The following HIRA variants were observed in gnomAD, a reference collection of about 807,000 sequenced individuals.
HIRA encodes histone cell cycle regulator.
Under a neutral mutation model 126.6 loss-of-function variants are expected in HIRA, and 13 were observed. The ratio of observed to expected loss-of-function variants is 0.10; its 90% confidence interval spans 0.07 to 0.16. The LOEUF (loss-of-function observed/expected upper bound fraction) is 0.16. Ranked by LOEUF, HIRA falls within the 10% of genes least tolerant of loss-of-function variation. The pLI is 1.00. For synonymous variants in HIRA, 511 were observed against 520.0 expected (o/e 0.98, Z 0.24); for missense variants, 834 against 1,314.4 (o/e 0.63, Z 5.65).
intron 12 of HIRA, among the ~76,000 whole-genome samples, chr22:19,383,979 A>G (rs914698174): frequency 6.6e-6 from 1 of 152,056 alleles, no homozygotes; most frequent in Non-Finnish European, 1.5e-5. Context: ...TCACCATTCT[A>G]TTCTCTGTCT....
intron 5 of HIRA, 185 bp downstream of exon 5, chr22:19,405,601 G>T: frequency 1.3e-6 from 1 of 741,892 alleles, no homozygotes; most frequent in Non-Finnish European, 1.6e-6. Flanking sequence ...CTGGAGACAG[G>T]TAGTGGACCC....
At chr22:19,343,342 A>T (rs2088652030) in intron 24 of HIRA, among the ~76,000 whole-genome samples, 1 of 152,076 alleles carries the variant, frequency 6.6e-6, no homozygotes. Context: ...GCTTGAGCTC[A>T]GGAGTTTGGG....
chr22:19,394,591 T>A lies in HIRA; in HGVS notation c.655-82A>T, dbSNP rs549032978. 259 of 1,390,192 alleles carry A rather than the reference T, an allele frequency of 1.9e-4. 2 individuals are homozygous for A. The African/African-American group carries it at 3.2e-3, about 17-fold the overall frequency. The allele number at this position is 1,390,192 out of a possible 1,614,324, so 86.1% of individuals were successfully genotyped here. A position where few individuals can be genotyped will look rare whatever the true frequency, so the allele number is the denominator to read the frequency against. ...CTGGCCTCGAGGATAAAGTTAAACT[T>A]CAATTTATAAATGTGTGATGGTGGA... On this transcript the variant is annotated intron_variant, in intron 7 of 24. Coordinates refer to ENST00000263208, the MANE Select transcript of HIRA (RefSeq NM_003325.4).
intron 15 of HIRA, among the ~76,000 whole-genome samples, chr22:19,364,029 C>A (rs1311207875): frequency 6.6e-6 from 1 of 152,070 alleles, no homozygotes; most frequent in African/African-American, 2.4e-5. Context: ...TGACGGTGTG[C>A]CCCACTCTGG....
At chr22:19,348,524 C>A in intron 24 of HIRA, among the ~76,000 whole-genome samples, 1 of 151,084 alleles carries the variant, frequency 6.6e-6, no homozygotes, top group Non-Finnish European at 1.5e-5. Flanking sequence ...GAGACAGAGT[C>A]TCACCCTGTC....
intron 1 of HIRA, among the ~76,000 whole-genome samples, chr22:19,414,887 G>A (rs1285793392): frequency 1.3e-5 from 2 of 151,662 alleles, no homozygotes; most frequent in African/African-American, 4.9e-5. Context: ...ACTGTCTCAA[G>A]AAACAAAACA....
chr22:19,367,907 T>G (rs2088928543), intron 15 of HIRA, among the ~76,000 whole-genome samples: 1 of 152,170 alleles, frequency 6.6e-6, no homozygotes, highest in South Asian at 2.1e-4. Flanking sequence ...CTTATAAACA[T>G]TAAAGAGAGG....
chr22:19,385,641 C>T lies in HIRA; in HGVS notation c.1209G>A (p.Lys403=). 6.2e-7 allele frequency: 1 copy of T among 1,614,214 alleles called. No individual in the cohort carries two copies. Among genetic ancestry groups the T allele is most frequent in the Non-Finnish European group, 8.5e-7 (1 of 1,180,050 alleles). The change falls in exon 12 of 25, where the codon AAG becomes AAA. Residue 403 remains lysine (K), a synonymous_variant. Coordinates refer to ENST00000263208, the MANE Select transcript of HIRA (RefSeq NM_003325.4). ...TAVIENPEML[K]YQRRQQQQQL... ...GCTGCTGCTGCTGCCTTCGCTGGTA[C>T]TTGAGCATCTCAGGGTTCTCAATGA...
At chr22:19,361,143 T>G in intron 17 of HIRA, 94 bp downstream of exon 17, 1 of 983,824 alleles carries the variant, frequency 1.0e-6, no homozygotes. Context: ...GAAACCAATC[T>G]CCAAGGAAGT....
chr22:19,403,833 C>A (rs1307254834), intron 5 of HIRA, among the ~76,000 whole-genome samples: 1 of 152,142 alleles, frequency 6.6e-6, no homozygotes, highest in Non-Finnish European at 1.5e-5. Context: ...AAGCTCAAAA[C>A]AATGCACCTA....
intron 1 of HIRA, among the ~76,000 whole-genome samples, chr22:19,421,550 A>G (rs1195177248): frequency 6.6e-6 from 1 of 152,204 alleles, no homozygotes; most frequent in Non-Finnish European, 1.5e-5. Flanking sequence ...AAGTTTTAAC[A>G]ATGTGTTTTC....
chr22:19,344,658 C>A (rs1372749622), intron 24 of HIRA, among the ~76,000 whole-genome samples: 1 of 152,100 alleles, frequency 6.6e-6, no homozygotes, highest in Non-Finnish European at 1.5e-5. Flanking sequence ...ATTACCCTGA[C>A]AAAGCTAGAC....
At chr22:19,394,217 C>G in intron 8 of HIRA, 125 bp downstream of exon 8, 1 of 1,176,734 alleles carries the variant, frequency 8.5e-7, no homozygotes, top group Non-Finnish European at 1.2e-6. Flanking sequence ...ATAAATCAAC[C>G]AAGTACATAC....
chr22:19,378,372 G>A (rs1020585500), intron 13 of HIRA, among the ~76,000 whole-genome samples: 34 of 152,364 alleles, frequency 2.2e-4, no homozygotes, highest in Non-Finnish European at 5.0e-4. Context: ...ACATGTCTTA[G>A]GAGGAATGAA....
In HIRA at chr22:19,394,526, C is replaced by A. The variant is rs750871390; in HGVS notation, c.655-17G>T. On this transcript the variant is annotated splice_polypyrimidine_tract_variant and intron_variant, in intron 7 of 24. Coordinates refer to ENST00000263208, the MANE Select transcript of HIRA (RefSeq NM_003325.4). ...TCCTCCACACTGAAAGAAGCATCTG[C>A]ACTTGAAAGGAGCTCAAGGCCACCT... 4 of 1,611,708 alleles carry A rather than the reference C, an allele frequency of 2.5e-6. No homozygotes were observed. Among genetic ancestry groups the A allele is most frequent in the South Asian group, 2.2e-5 (2 of 91,016 alleles).
intron 1 of HIRA, among the ~76,000 whole-genome samples, chr22:19,421,047 C>T (rs1360214621): frequency 6.6e-6 from 1 of 152,160 alleles, no homozygotes; most frequent in Non-Finnish European, 1.5e-5. Flanking sequence ...CCTGTAATCC[C>T]AGCACTTTGG....
At chr22:19,371,579 C>T (rs540490950) in intron 15 of HIRA, among the ~76,000 whole-genome samples, 17 of 152,074 alleles carry the variant, frequency 1.1e-4, no homozygotes, top group Non-Finnish European at 1.9e-4. Flanking sequence ...AATGCCAGAA[C>T]ATTTTCATAA....
chr22:19,367,492 A>T (rs955174297), intron 15 of HIRA, among the ~76,000 whole-genome samples: 2 of 151,542 alleles, frequency 1.3e-5, no homozygotes, highest in Non-Finnish European at 2.9e-5. Context: ...TCAGCCTCCC[A>T]AGTAGCTGAG....
intron 23 of HIRA, among the ~76,000 whole-genome samples, chr22:19,353,087 C>A (rs1352822963): frequency 6.6e-6 from 1 of 152,252 alleles, no homozygotes; most frequent in Admixed American, 6.5e-5. Context: ...CTCCTTCAGA[C>A]CATGTCTTTC....
Sources: allele counts gnomAD v4.1 joint callset (sites outside exome capture counted in the v4.1 genomes callset), GRCh38; gene constraint gnomAD v4.1.1; transcripts MANE v1.5; gene names NCBI Gene and HGNC (gene_info 2026-07-23, HGNC 2026-07-21).